The following CTBS variants were observed in gnomAD, a reference collection of about 807,000 sequenced individuals.
CTBS encodes chitobiase, also known as di-N-acetylchitobiase.
Under a neutral mutation model 44.3 loss-of-function variants are expected in CTBS, and 35 were observed. The observed-to-expected ratio is 0.79, with a 90% CI of 0.60 to 1.05. The LOEUF (loss-of-function observed/expected upper bound fraction) is 1.05. CTBS is among the 50% of genes least tolerant of loss of function. The pLI, the probability that CTBS is intolerant of heterozygous loss-of-function variation, is 0.00. For synonymous variants in CTBS, 143 were observed against 168.0 expected (o/e 0.85, Z 1.15); for missense variants, 458 against 475.3 (o/e 0.96, Z 0.34).
intron 6 of CTBS, among the ~76,000 whole-genome samples, chr1:84,559,697 A>G: frequency 6.6e-6 from 1 of 152,198 alleles, no homozygotes; most frequent in African/African-American, 2.4e-5. Flanking sequence ...TGAATAAAAA[A>G]GAGGAAGAAA....
chr1:84,556,650 T>A (rs1317400610), intron 6 of CTBS, among the ~76,000 whole-genome samples: 1 of 142,708 alleles, frequency 7.0e-6, no homozygotes, highest in Non-Finnish European at 1.5e-5. Context: ...AGACGGAGGT[T>A]GCAGTAAGCT....
chr1:84,557,416 C>G (rs1472855855), intron 6 of CTBS, among the ~76,000 whole-genome samples: 1 of 151,462 alleles, frequency 6.6e-6, no homozygotes, highest in Non-Finnish European at 1.5e-5. Context: ...GCCTGTAATC[C>G]CAGCTACTCA....
rs577481759 is a variant in CTBS at position 84,551,457 on chromosome 1, T to G, written c.*3542A>C. On this transcript the variant is annotated 3_prime_UTR_variant, in exon 7 of 7. Coordinates refer to ENST00000370630, the MANE Select transcript of CTBS (RefSeq NM_004388.3). The stretch of plus-strand genomic sequence containing the variant: ...TGATAGAAATGTTCTATGCCTGCAC[T>G]GTCAGATTGGTACCCACTAGCCACC... 3.9e-6 allele frequency: 1 copy of G among 258,234 alleles called. No individual in the cohort carries two copies. The highest frequency in any genetic ancestry group is 6.0e-6 in the Non-Finnish European group (1 of 165,338). 16.0% of individuals were successfully genotyped at this position (258,234 alleles called of 1,614,324 possible). A position where few individuals can be genotyped will look rare whatever the true frequency, so the allele number is the denominator to read the frequency against.
chr1:84,561,029 A>G (rs1220752719), intron 6 of CTBS, among the ~76,000 whole-genome samples: 1 of 152,228 alleles, frequency 6.6e-6, no homozygotes, highest in African/African-American at 2.4e-5. Context: ...AGTAATTTCA[A>G]CTTTTAACTC....
Position 84,565,990 on chromosome 1 carries a change from G to A in CTBS, c.548C>T (p.Ser183Phe). 4 of 1,562,250 alleles carry A rather than the reference G, an allele frequency of 2.6e-6. No individual in the cohort carries two copies. The highest frequency in any genetic ancestry group is 3.5e-6 in the Non-Finnish European group (4 of 1,155,432). The change falls in exon 4 of 7, where the codon TCT becomes TTT. Residue 183 changes from serine (S) to phenylalanine (F), a missense_variant. Coordinates refer to ENST00000370630, the MANE Select transcript of CTBS (RefSeq NM_004388.3). ...GCATCTTCTGTCTATGTTCTTTGGAGACCAAGCTACATCAAAGGTTACCTG... is the reference window on the plus strand; with the variant it reads ...GCATCTTCTGTCTATGTTCTTTGGAAACCAAGCTACATCAAAGGTTACCTG... ...GSQVTFDVAW[S>F]PKNIDRRCYN...
intron 6 of CTBS, among the ~76,000 whole-genome samples, chr1:84,559,467 A>G (rs1204147339): frequency 6.6e-6 from 1 of 152,208 alleles, no homozygotes; most frequent in South Asian, 2.1e-4. Context: ...CTAAAAATAC[A>G]AAAAATTAGC....
chr1:84,566,018 GA>G lies in CTBS; in HGVS notation c.526-7del. The G allele has an allele frequency of 6.6e-6, 10 of 1,504,876 alleles. No homozygotes were observed. Among genetic ancestry groups the G allele is most frequent in the South Asian group, 4.2e-5 (3 of 71,186 alleles). The allele number at this position is 1,504,876 out of a possible 1,614,324, so 93.2% of individuals were successfully genotyped here. On this transcript the variant is annotated splice_polypyrimidine_tract_variant and splice_region_variant and intron_variant, in intron 3 of 6. Transcript: ENST00000370630. Reference sequence around the variant, plus strand: ...CAAGCTACATCAAAGGTTACCTGTGGAAAAAAATCTTACTATTTTATGTAAT... The same window carrying G: ...CAAGCTACATCAAAGGTTACCTGTGGAAAAAATCTTACTATTTTATGTAAT...
rs1016200599 is a variant in CTBS, at chr1:84,553,692, T to C, written c.*1307A>G. On this transcript the variant is annotated 3_prime_UTR_variant, in exon 7 of 7. Coordinates refer to ENST00000370630, the MANE Select transcript of CTBS (RefSeq NM_004388.3). Reference sequence around the variant, plus strand: ...CAACATATACTATGAAAATGGTTTTTACTCTGTCACAAACAATTGTGTAAA... The same window carrying C: ...CAACATATACTATGAAAATGGTTTTCACTCTGTCACAAACAATTGTGTAAA... 2 of 152,206 alleles carry C rather than the reference T, an allele frequency of 1.3e-5. No individual in the cohort carries two copies. Among genetic ancestry groups the C allele is most frequent in the Admixed American group, 6.5e-5 (1 of 15,272 alleles). The allele number at this position is 152,206 out of a possible 1,614,324, so 9.4% of individuals were successfully genotyped here. A position where few individuals can be genotyped will look rare whatever the true frequency, so the allele number is the denominator to read the frequency against.
intron 6 of CTBS, among the ~76,000 whole-genome samples, chr1:84,560,833 A>T (rs1684582574): frequency 6.6e-6 from 1 of 152,198 alleles, no homozygotes; most frequent in South Asian, 2.1e-4. Flanking sequence ...CTCACAGCAC[A>T]TCTGTTTACT....
Position 84,550,200 on chromosome 1 carries a change from T to C in CTBS, c.*4799A>G, listed in dbSNP as rs1290152189. On this transcript the variant is annotated 3_prime_UTR_variant, in exon 7 of 7. Transcript: ENST00000370630. Reference sequence around the variant, plus strand: ...TTCCTTTCATAGTAATAGTTGTTGGTTTTTACGATGCTAATTTAATGGTAA... The same window carrying C: ...TTCCTTTCATAGTAATAGTTGTTGGCTTTTACGATGCTAATTTAATGGTAA... 2 of 292,232 alleles carry C rather than the reference T, an allele frequency of 6.8e-6. No individual in the cohort carries two copies. The highest frequency in any genetic ancestry group is 1.3e-5 in the Non-Finnish European group (2 of 157,390). 18.1% of individuals were successfully genotyped at this position (292,232 alleles called of 1,614,324 possible). A position where few individuals can be genotyped will look rare whatever the true frequency, so the allele number is the denominator to read the frequency against.
chr1:84,551,261 A>T lies in CTBS; in HGVS notation c.*3738T>A. The T allele has an allele frequency of 4.1e-6, 4 of 984,590 alleles. No individual in the cohort carries two copies. In the South Asian group the frequency reaches 1.9e-4, roughly 46 times the overall value. The allele number at this position is 984,590 out of a possible 1,614,324, so 61.0% of individuals were successfully genotyped here. ...GAATGCTCTCATTTCTTTATCAGAA[A>T]CAGCTTTATGACACAGAATAATGAC... On this transcript the variant is annotated 3_prime_UTR_variant, in exon 7 of 7. Transcript: ENST00000370630.
intron 2 of CTBS, 63 bp downstream of exon 2, chr1:84,570,519 C>G (rs1647271654): frequency 6.8e-7 from 1 of 1,460,302 alleles, no homozygotes; most frequent in South Asian, 1.3e-5. Flanking sequence ...AAAGTCGGGA[C>G]TATAGCAAGT....
At chr1:84,565,549 C>T (rs1684683910) in intron 4 of CTBS, among the ~76,000 whole-genome samples, 1 of 152,054 alleles carries the variant, frequency 6.6e-6, no homozygotes, top group African/African-American at 2.4e-5. Context: ...CCTGATTAAG[C>T]CCCAACTATA....
intron 6 of CTBS, among the ~76,000 whole-genome samples, chr1:84,557,650 T>G (rs1467417157): frequency 6.7e-6 from 1 of 148,354 alleles, no homozygotes; most frequent in Non-Finnish European, 1.5e-5. Context: ...GGTCAGGAGA[T>G]CGAGACCATC....
At position 84,567,254 on chromosome 1, in the gene CTBS, TAA is replaced by T. The variant is rs1356136374; in HGVS notation, c.526-1244_526-1243del. 3.9e-5 allele frequency among the ~76,000 whole-genome samples: 6 copies of T among 152,294 alleles called. No homozygotes were observed. The East Asian group carries it at 9.6e-4, about 24-fold the overall frequency. On this transcript the variant is annotated intron_variant, in intron 3 of 6. Transcript: ENST00000370630. Reference sequence around the variant, plus strand: ...TTTGCTCAGTAGTTTTCCAACAAAATAAGTTATGAAATAAAATTATTACATAT... The same window carrying T: ...TTTGCTCAGTAGTTTTCCAACAAAATGTTATGAAATAAAATTATTACATAT...
chr1:84,561,857 T>C (rs1684602546), intron 6 of CTBS, among the ~76,000 whole-genome samples: 1 of 152,238 alleles, frequency 6.6e-6, no homozygotes, highest in Non-Finnish European at 1.5e-5. Flanking sequence ...ATAATGCTAT[T>C]ACACACTTAA....
At chr1:84,562,741 A>T (rs1684617930) in intron 6 of CTBS, among the ~76,000 whole-genome samples, 1 of 152,188 alleles carries the variant, frequency 6.6e-6, no homozygotes, top group South Asian at 2.1e-4. Flanking sequence ...TTTATGTAAT[A>T]TTTTTGTAAG....
rs761761635 is a variant in CTBS, at chr1:84,570,630, CT to C, written c.267del (p.Glu90AsnfsTer13). 5 of 1,613,912 alleles carry C rather than the reference CT, an allele frequency of 3.1e-6. No homozygotes were observed. In the African/African-American group the frequency reaches 6.7e-5, roughly 22 times the overall value. On this transcript the variant is annotated frameshift_variant, in exon 2 of 7. Coordinates refer to ENST00000370630, the MANE Select transcript of CTBS (RefSeq NM_004388.3). LOFTEE classifies it high-confidence loss of function. ...TTTGAATGAGCGTAGCACATAAGTT[CT>C]GAGTCATATTTTCCAAATGTTGCCA... ...TTVATFGKYDSELMCYAHSKG... is the reference protein window; with the variant it reads ...TTVATFGKYDXELMCYAHSKG...
At chr1:84,561,770 G>A (rs1320658041) in intron 6 of CTBS, among the ~76,000 whole-genome samples, 4 of 152,202 alleles carry the variant, frequency 2.6e-5, no homozygotes, top group Admixed American at 1.3e-4. Flanking sequence ...GTTATAACTT[G>A]ATAAAGGCTC....
Sources: allele counts gnomAD v4.1 joint callset (sites outside exome capture counted in the v4.1 genomes callset), GRCh38; gene constraint gnomAD v4.1.1; transcripts MANE v1.5; gene names NCBI Gene and HGNC (gene_info 2026-07-23, HGNC 2026-07-21).